RAP1GDS1: variants seen among roughly 807,000 people sequenced by gnomAD.
RAP1GDS1 encodes the protein Rap1 GTPase-GDP dissociation stimulator 1.
RAP1GDS1 carries 35 observed loss-of-function variants against 71.1 expected under a neutral mutation model. The ratio of observed to expected loss-of-function variants is 0.49; its 90% confidence interval spans 0.38 to 0.65. The LOEUF is 0.65. Ranked by LOEUF, RAP1GDS1 falls within the 30% of genes least tolerant of loss-of-function variation. The pLI is 0.00. For synonymous variants in RAP1GDS1, 229 were observed against 243.1 expected (o/e 0.94, Z 0.54); for missense variants, 663 against 706.1 (o/e 0.94, Z 0.69).
rs543199019 is a variant in RAP1GDS1 at position 98,443,015 on chromosome 4, A to ATTTTTTTTTCTTTTTTTTTTT, written c.*907_*908insCTTTTTTTTTTTTTTTTTTTT. 406 of 138,132 alleles carry ATTTTTTTTTCTTTTTTTTTTT rather than the reference A, an allele frequency of 2.9e-3. 11 individuals are homozygous for ATTTTTTTTTCTTTTTTTTTTT. The highest frequency in any genetic ancestry group is 8.1e-3 in the East Asian group (79 of 9,800). 8.6% of individuals were successfully genotyped at this position (138,132 alleles called of 1,614,324 possible). A position where few individuals can be genotyped will look rare whatever the true frequency, so the allele number is the denominator to read the frequency against. ...TGAGTATAGTTCATTGAAGAATGGA[A>ATTTTTTTTTCTTTTTTTTTTT]TTTTTTTTTTTTTTTTTTTTTTTGC... On this transcript the variant is annotated 3_prime_UTR_variant, in exon 15 of 15. Transcript: ENST00000408927.
chr4:98,340,880 G>T (rs1735412689), intron 2 of RAP1GDS1, among the ~76,000 whole-genome samples: 1 of 152,098 alleles, frequency 6.6e-6, no homozygotes, highest in Non-Finnish European at 1.5e-5. Flanking sequence ...TGAGGAGGGA[G>T]GGTGGGAGGA....
intron 3 of RAP1GDS1, among the ~76,000 whole-genome samples, chr4:98,349,843 T>A (rs140471208): frequency 6.6e-6 from 1 of 152,344 alleles, no homozygotes; most frequent in East Asian, 1.9e-4. Flanking sequence ...CCTGTTTTTT[T>A]TTTTAATATA....
intron 3 of RAP1GDS1, among the ~76,000 whole-genome samples, chr4:98,346,082 A>G (rs1186158516): frequency 1.3e-5 from 2 of 152,200 alleles, no homozygotes; most frequent in Non-Finnish European, 2.9e-5. Flanking sequence ...GGGACTCAAG[A>G]GTGGGCCCAA....
At chr4:98,294,671 G>C (rs1004963913) in intron 2 of RAP1GDS1, among the ~76,000 whole-genome samples, 8 of 152,058 alleles carry the variant, frequency 5.3e-5, no homozygotes, top group Admixed American at 1.3e-4. Flanking sequence ...AATGTAAAAG[G>C]AAGTTCCTTA....
intron 3 of RAP1GDS1, among the ~76,000 whole-genome samples, chr4:98,352,114 T>C (rs1737291635): frequency 2.6e-5 from 4 of 152,086 alleles, no homozygotes; most frequent in Admixed American, 2.6e-4. Flanking sequence ...ATCAGGCTTA[T>C]AGAAATACAT....
At chr4:98,350,101 T>C (rs897070977) in intron 3 of RAP1GDS1, among the ~76,000 whole-genome samples, 2 of 152,338 alleles carry the variant, frequency 1.3e-5, no homozygotes, top group South Asian at 4.1e-4. Flanking sequence ...TTATTTACCC[T>C]CTATTATTCC....
intron 6 of RAP1GDS1, 24 bp from the exon 7 acceptor site, chr4:98,404,453 A>C: frequency 6.4e-7 from 1 of 1,558,370 alleles, no homozygotes; most frequent in Non-Finnish European, 8.6e-7. Flanking sequence ...TATTTGGTTT[A>C]AGTTTTTCTT....
chr4:98,404,373 T>C, intron 6 of RAP1GDS1, 104 bp from the exon 7 acceptor site: 1 of 1,079,466 alleles, frequency 9.3e-7, no homozygotes, highest in Non-Finnish European at 1.3e-6. Context: ...ATTTGAAGAG[T>C]ATTTGTATTT....
At chr4:98,327,682 G>A (rs1190933172) in intron 2 of RAP1GDS1, among the ~76,000 whole-genome samples, 5 of 152,096 alleles carry the variant, frequency 3.3e-5, no homozygotes, top group African/African-American at 9.7e-5. Flanking sequence ...CTGTAATTAG[G>A]TTTTGATTGT....
At chr4:98,293,712 C>A (rs1727296361) in intron 2 of RAP1GDS1, among the ~76,000 whole-genome samples, 197 bp downstream of exon 2, 1 of 152,006 alleles carries the variant, frequency 6.6e-6, no homozygotes, top group South Asian at 2.1e-4. Flanking sequence ...ATCCTCAAAG[C>A]CAAGCTGATA....
chr4:98,441,924 G>T, intron 14 of RAP1GDS1, 66 bp from the exon 15 acceptor site: 1 of 1,524,266 alleles, frequency 6.6e-7, no homozygotes. Flanking sequence ...AAACATTTTG[G>T]TATATGTTTT....
chr4:98,442,168 C>A lies in RAP1GDS1; in HGVS notation c.*51C>A, dbSNP rs772102951. 1 of 1,594,564 alleles carries A rather than the reference C, an allele frequency of 6.3e-7. No homozygotes were observed. The highest frequency in any genetic ancestry group is 8.5e-7 in the Non-Finnish European group (1 of 1,173,050). ...CCATCTCTAATTTCCCCTCTGTCCTCCATCCAGCGGCTTCTTCCGCTTCAT... is the reference window on the plus strand; with the variant it reads ...CCATCTCTAATTTCCCCTCTGTCCTACATCCAGCGGCTTCTTCCGCTTCAT... On this transcript the variant is annotated 3_prime_UTR_variant, in exon 15 of 15. Coordinates refer to ENST00000408927, the MANE Select transcript of RAP1GDS1 (RefSeq NM_001100427.2).
chr4:98,385,795 T>G (rs1304192735), intron 5 of RAP1GDS1, among the ~76,000 whole-genome samples: 3 of 152,008 alleles, frequency 2.0e-5, no homozygotes, highest in African/African-American at 4.8e-5. Context: ...TGCCCCATGG[T>G]AACTAGAAAA....
intron 1 of RAP1GDS1, among the ~76,000 whole-genome samples, chr4:98,283,798 C>T (rs1316438274): frequency 1.3e-5 from 2 of 149,968 alleles, no homozygotes; most frequent in East Asian, 3.9e-4. Context: ...CAGACTGCTT[C>T]CTGGTACATT....
chr4:98,279,673 A>G (rs149182204), intron 1 of RAP1GDS1, among the ~76,000 whole-genome samples: 2,231 of 152,266 alleles, frequency 0.015, 23 homozygotes, highest in Middle Eastern at 0.024. Flanking sequence ...GGTTTGTTAC[A>G]TAAGTATATA....
intron 1 of RAP1GDS1, among the ~76,000 whole-genome samples, chr4:98,285,592 A>G (rs1338853043): frequency 1.3e-5 from 2 of 151,976 alleles, no homozygotes; most frequent in Non-Finnish European, 2.9e-5. Context: ...TTTAATGTTA[A>G]TGTAAAATAT....
chr4:98,396,166 A>G (rs1744519753), intron 6 of RAP1GDS1: 1 of 152,234 alleles, frequency 6.6e-6, no homozygotes, highest in Non-Finnish European at 1.5e-5. Context: ...TGCCCCCATT[A>G]TCTAATTACC....
intron 2 of RAP1GDS1, among the ~76,000 whole-genome samples, chr4:98,333,540 T>C (rs1184840000): frequency 6.6e-6 from 1 of 152,068 alleles, no homozygotes; most frequent in Non-Finnish European, 1.5e-5. Context: ...TGTTTTAATG[T>C]TTTTTAAGAA....
intron 6 of RAP1GDS1, among the ~76,000 whole-genome samples, chr4:98,400,342 A>T (rs141174859): frequency 6.6e-6 from 1 of 152,082 alleles, no homozygotes; most frequent in East Asian, 1.9e-4. Flanking sequence ...AATGTGATGT[A>T]TATGTATATA....
Sources: gnomAD v4.1 joint callset for allele counts (sites outside exome capture counted in the v4.1 genomes callset) on GRCh38, gnomAD v4.1.1 for gene constraint, MANE v1.5 for transcripts, NCBI Gene and HGNC (gene_info 2026-07-23, HGNC 2026-07-21) for gene names.